SPOCK1: variants seen among roughly 807,000 people sequenced by gnomAD.
The protein encoded by SPOCK1 is testican-1.
SPOCK1 carries 23 observed loss-of-function variants against 55.3 expected under a neutral mutation model. The ratio of observed to expected loss-of-function variants is 0.42; its 90% CI spans 0.30 to 0.59. The LOEUF (loss-of-function observed/expected upper bound fraction) is 0.59, where lower values mean the gene tolerates loss of function less well. SPOCK1 is among the 20% of genes least tolerant of loss of function. The probability of loss-of-function intolerance (pLI) is 0.22; values close to 1 mark genes in which losing one functional copy is unlikely to be tolerated. For synonymous variants in SPOCK1, 226 were observed against 221.0 expected, an observed-to-expected ratio of 1.02 and a Z score of -0.20; for missense variants, 499 against 552.5, an observed-to-expected ratio of 0.90 and a Z score of 0.97.
At chr5:137,151,567 A>C (rs137982967) in intron 3 of SPOCK1, among the ~76,000 whole-genome samples, 1 of 152,346 alleles carries the variant, frequency 6.6e-6, no homozygotes, top group African/African-American at 2.4e-5. Context: ...CAATACCAGT[A>C]AATGTACACA....
chr5:137,168,300 A>G (rs1754688502), intron 3 of SPOCK1, among the ~76,000 whole-genome samples: 1 of 152,048 alleles, frequency 6.6e-6, no homozygotes, highest in Non-Finnish European at 1.5e-5. Flanking sequence ...CATTGGACTG[A>G]GCAAAACTTT....
chr5:137,281,599 C>T (rs912125417), intron 2 of SPOCK1, among the ~76,000 whole-genome samples: 10 of 152,250 alleles, frequency 6.6e-5, no homozygotes, highest in Non-Finnish European at 1.3e-4. Context: ...CAGAAATATG[C>T]AGGAGAAAGC....
chr5:137,061,518 G>A (rs537032287), intron 6 of SPOCK1, among the ~76,000 whole-genome samples: 1 of 152,300 alleles, frequency 6.6e-6, no homozygotes, highest in African/African-American at 2.4e-5. Context: ...AGCATGCCCT[G>A]TTGGAAAAAC....
intron 2 of SPOCK1, among the ~76,000 whole-genome samples, chr5:137,373,638 G>A (rs1233976673): frequency 1.3e-5 from 2 of 152,208 alleles, no homozygotes. Flanking sequence ...ACGGCAGGTG[G>A]CACATCCCAT....
intron 2 of SPOCK1, among the ~76,000 whole-genome samples, chr5:137,337,830 T>C (rs1750316977): frequency 6.6e-6 from 1 of 152,226 alleles, no homozygotes; most frequent in African/African-American, 2.4e-5. Context: ...CATCTGATTC[T>C]CTTTCAAACA....
chr5:137,404,131 G>C (rs551761703), intron 2 of SPOCK1, among the ~76,000 whole-genome samples: 9 of 152,146 alleles, frequency 5.9e-5, no homozygotes, highest in Non-Finnish European at 1.3e-4. Context: ...TCTGATCCTG[G>C]AGTCACCAAC....
intron 2 of SPOCK1, among the ~76,000 whole-genome samples, chr5:137,288,094 G>T (rs766365869): frequency 6.6e-6 from 1 of 152,064 alleles, no homozygotes; most frequent in Admixed American, 6.5e-5. Flanking sequence ...CCACTGTTAT[G>T]GTCCCAAGAG....
intron 2 of SPOCK1, among the ~76,000 whole-genome samples, chr5:137,294,414 T>C (rs1418940378): frequency 6.6e-6 from 1 of 152,202 alleles, no homozygotes; most frequent in East Asian, 1.9e-4. Flanking sequence ...AGAAGCTAAG[T>C]GATCTGCCCA....
chr5:137,399,105 T>C (rs13360158), intron 2 of SPOCK1, among the ~76,000 whole-genome samples: 26,967 of 152,112 alleles, frequency 0.18, 2,773 homozygotes, highest in African/African-American at 0.27. Flanking sequence ...ATAATAAGCC[T>C]TTTATTTTTC....
chr5:137,178,888 T>C (rs531564698), intron 3 of SPOCK1, among the ~76,000 whole-genome samples: 1 of 152,280 alleles, frequency 6.6e-6, no homozygotes, highest in African/African-American at 2.4e-5. Context: ...AAGATAGTAG[T>C]ACAGCATAAC....
chr5:137,273,915 T>C (rs1029925571), intron 2 of SPOCK1, among the ~76,000 whole-genome samples: 3 of 152,190 alleles, frequency 2.0e-5, no homozygotes, highest in Non-Finnish European at 4.4e-5. Context: ...CTAGGAAATA[T>C]GTAAAATGAA....
intron 4 of SPOCK1, among the ~76,000 whole-genome samples, chr5:137,117,801 A>T (rs1246280864): frequency 1.3e-5 from 2 of 152,144 alleles, no homozygotes; most frequent in Non-Finnish European, 2.9e-5. Context: ...CCTGTGCATC[A>T]GCGGGCTAAG....
At chr5:137,341,276 A>G (rs1750417872) in intron 2 of SPOCK1, among the ~76,000 whole-genome samples, 1 of 152,258 alleles carries the variant, frequency 6.6e-6, no homozygotes, top group Non-Finnish European at 1.5e-5. Context: ...AGTGCCTTGC[A>G]GGCACAGTAT....
chr5:137,452,068 T>C (rs1753265952), intron 2 of SPOCK1, among the ~76,000 whole-genome samples: 1 of 152,206 alleles, frequency 6.6e-6, no homozygotes, highest in Non-Finnish European at 1.5e-5. Flanking sequence ...ATCAGGTTGA[T>C]GGCCAAAAAG....
intron 2 of SPOCK1, among the ~76,000 whole-genome samples, chr5:137,461,077 C>T (rs1753480235): frequency 6.6e-6 from 1 of 152,144 alleles, no homozygotes; most frequent in Non-Finnish European, 1.5e-5. Flanking sequence ...TGTCTGTGGC[C>T]CTATTAGAAT....
intron 3 of SPOCK1, among the ~76,000 whole-genome samples, chr5:137,264,366 T>G (rs1279337305): frequency 6.6e-6 from 1 of 152,224 alleles, no homozygotes; most frequent in Non-Finnish European, 1.5e-5. Flanking sequence ...TTTGGCTGAT[T>G]GGTATGGAAT....
At chr5:137,249,904 T>A (rs1398995211) in intron 3 of SPOCK1, among the ~76,000 whole-genome samples, 1 of 152,172 alleles carries the variant, frequency 6.6e-6, no homozygotes, top group Non-Finnish European at 1.5e-5. Flanking sequence ...CTCTTCTTAT[T>A]ATGTGCGGCA....
intron 2 of SPOCK1, among the ~76,000 whole-genome samples, chr5:137,284,948 C>T (rs1195732196): frequency 6.6e-6 from 1 of 152,186 alleles, no homozygotes; most frequent in Non-Finnish European, 1.5e-5. Context: ...GAGGATAAAG[C>T]AGAAGTCTCG....
intron 6 of SPOCK1, among the ~76,000 whole-genome samples, chr5:137,045,014 G>C (rs1289241585): frequency 7.6e-6 from 1 of 130,870 alleles, no homozygotes; most frequent in East Asian, 2.3e-4. Context: ...TGGTGTATAT[G>C]TGCCACATTT....
Sources: gnomAD v4.1 joint callset for allele counts (sites outside exome capture counted in the v4.1 genomes callset) on GRCh38, gnomAD v4.1.1 for gene constraint, MANE v1.5 for transcripts, NCBI Gene and HGNC (gene_info 2026-07-23, HGNC 2026-07-21) for gene names.